The following DPP10 variants were observed in gnomAD, a reference collection of about 807,000 sequenced individuals.
DPP10 encodes the protein dipeptidyl peptidase like 10, also known as inactive dipeptidyl peptidase 10.
DPP10 carries 33 observed loss-of-function variants against 120.9 expected under a neutral mutation model. The ratio of observed to expected loss-of-function variants is 0.27; its 90% CI spans 0.21 to 0.37. DPP10 has a LOEUF of 0.37. DPP10 is among the 10% of genes least tolerant of loss of function. The pLI, the probability that DPP10 is intolerant of heterozygous loss-of-function variation, is 1.00. For synonymous variants in DPP10, 337 were observed against 326.1 expected (o/e 1.03, Z -0.36); for missense variants, 816 against 942.8 (o/e 0.87, Z 1.76).
intron 1 of DPP10, among the ~76,000 whole-genome samples, chr2:115,013,153 T>C (rs1281475654): frequency 1.3e-5 from 2 of 152,186 alleles, no homozygotes; most frequent in Non-Finnish European, 2.9e-5. Flanking sequence ...TTTCCATATT[T>C]AGTGCTTCCT....
At chr2:115,351,874 G>T (rs2064058201) in intron 3 of DPP10, among the ~76,000 whole-genome samples, 2 of 151,930 alleles carry the variant, frequency 1.3e-5, no homozygotes, top group Non-Finnish European at 2.9e-5. Context: ...AAAACTGTTT[G>T]AAATCAATAA....
At position 115,814,934 on chromosome 2, in the gene DPP10, G is replaced by A. The variant is rs1458113592; in HGVS notation, c.1842G>A (p.Glu614=). The change falls in exon 20 of 26, where the codon GAG becomes GAA. Residue 614 remains glutamate (E), a synonymous_variant. Coordinates refer to ENST00000410059, the MANE Select transcript of DPP10 (RefSeq NM_020868.6). ...TCCAGGGTCTGAAAATTTTGCAGGA[G>A]ATTCATCGAAGATTAGGTTCAGTAG... ...SGFQGLKILQ[E]IHRRLGSVEV... The A allele has an allele frequency of 6.2e-7, 1 of 1,612,554 alleles. No homozygotes were observed. The highest frequency in any genetic ancestry group is 8.5e-7 in the Non-Finnish European group (1 of 1,178,886).
chr2:115,693,615 C>T (rs1180859880), intron 7 of DPP10, among the ~76,000 whole-genome samples: 1 of 152,146 alleles, frequency 6.6e-6, no homozygotes. Context: ...TTGATACACT[C>T]AGGGAAATAG....
chr2:114,820,735 G>T (rs1686018185), intron 1 of DPP10, among the ~76,000 whole-genome samples: 2 of 152,116 alleles, frequency 1.3e-5, no homozygotes, highest in South Asian at 4.1e-4. Flanking sequence ...TGGGGGAACT[G>T]CCCCCGTAAT....
intron 1 of DPP10, among the ~76,000 whole-genome samples, chr2:114,825,146 T>A (rs1323742485): frequency 3.9e-5 from 6 of 152,228 alleles, no homozygotes; most frequent in African/African-American, 1.2e-4. Flanking sequence ...TAACCTCATC[T>A]GTCAGTGTAA....
chr2:114,741,156 C>A (rs1221662385), intron 1 of DPP10, among the ~76,000 whole-genome samples: 1 of 152,096 alleles, frequency 6.6e-6, no homozygotes, highest in East Asian at 1.9e-4. Flanking sequence ...GATGGGAACC[C>A]AGCTGTCCTT....
At chr2:114,980,576 A>G (rs1197562770) in intron 1 of DPP10, among the ~76,000 whole-genome samples, 1 of 152,000 alleles carries the variant, frequency 6.6e-6, no homozygotes, top group African/African-American at 2.4e-5. Flanking sequence ...TGTACGAAAA[A>G]GAAAAAGTCA....
At chr2:114,845,594 C>A (rs1433185242) in intron 1 of DPP10, among the ~76,000 whole-genome samples, 1 of 152,120 alleles carries the variant, frequency 6.6e-6, no homozygotes. Context: ...TTCTCAGCAA[C>A]TTCAGTGTCG....
At chr2:115,148,701 T>C (rs2051365996) in intron 1 of DPP10, among the ~76,000 whole-genome samples, 1 of 152,186 alleles carries the variant, frequency 6.6e-6, no homozygotes, top group African/African-American at 2.4e-5. Context: ...GTTTAAACTT[T>C]TATTTTAAAA....
At chr2:114,517,901 T>G (rs1684733283) in intron 1 of DPP10, among the ~76,000 whole-genome samples, 1 of 152,152 alleles carries the variant, frequency 6.6e-6, no homozygotes, top group Non-Finnish European at 1.5e-5. Flanking sequence ...GCTTCATATA[T>G]TGGGCAATGT....
At chr2:115,306,044 C>A (rs543011868) in intron 1 of DPP10, among the ~76,000 whole-genome samples, 1 of 151,882 alleles carries the variant, frequency 6.6e-6, no homozygotes, top group African/African-American at 2.4e-5. Flanking sequence ...TTATTTTAAT[C>A]CTTCCAACAT....
chr2:115,509,148 T>C (rs892172051), intron 4 of DPP10, among the ~76,000 whole-genome samples: 1 of 151,996 alleles, frequency 6.6e-6, no homozygotes, highest in African/African-American at 2.4e-5. Flanking sequence ...TATATTCCCG[T>C]TGAAGTGAGA....
chr2:114,982,799 G>T (rs1455482829), intron 1 of DPP10, among the ~76,000 whole-genome samples: 1 of 151,412 alleles, frequency 6.6e-6, no homozygotes, highest in African/African-American at 2.4e-5. Context: ...TAGAAATGGA[G>T]TTTCGCCATG....
intron 5 of DPP10, among the ~76,000 whole-genome samples, chr2:115,648,234 G>C (rs1044824007): frequency 6.6e-6 from 1 of 152,052 alleles, no homozygotes; most frequent in African/African-American, 2.4e-5. Flanking sequence ...TAGAAGCAGA[G>C]TAGAATCGTA....
chr2:114,519,934 G>T (rs577175745), intron 1 of DPP10, among the ~76,000 whole-genome samples: 1 of 152,266 alleles, frequency 6.6e-6, no homozygotes, highest in African/African-American at 2.4e-5. Context: ...ATTGCGATGG[G>T]GTTGTTATAA....
At chr2:115,812,005 T>A (rs1239412955) in intron 19 of DPP10, among the ~76,000 whole-genome samples, 4 of 152,180 alleles carry the variant, frequency 2.6e-5, no homozygotes, top group Non-Finnish European at 5.9e-5. Context: ...TAATCATGGT[T>A]TTGTTCATTA....
intron 3 of DPP10, among the ~76,000 whole-genome samples, chr2:115,367,260 G>T (rs2065135771): frequency 6.6e-6 from 1 of 152,028 alleles, no homozygotes; most frequent in Non-Finnish European, 1.5e-5. Flanking sequence ...GTGTGTGCGT[G>T]TGTGTGTTGT....
intron 1 of DPP10, among the ~76,000 whole-genome samples, chr2:114,762,188 C>T (rs1412991270): frequency 6.6e-6 from 1 of 152,184 alleles, no homozygotes; most frequent in Admixed American, 6.5e-5. Context: ...AAATTCATAA[C>T]AGAGATTTTC....
intron 1 of DPP10, among the ~76,000 whole-genome samples, chr2:114,454,682 T>C (rs1231496082): frequency 6.6e-6 from 1 of 152,226 alleles, no homozygotes; most frequent in Non-Finnish European, 1.5e-5. Context: ...TCACAGGGAA[T>C]TTGTCTCATC....
Sources: gnomAD v4.1 joint callset for allele counts (sites outside exome capture counted in the v4.1 genomes callset) on GRCh38, gnomAD v4.1.1 for gene constraint, MANE v1.5 for transcripts, NCBI Gene and HGNC (gene_info 2026-07-23, HGNC 2026-07-21) for gene names.